The following PDLIM2 variants were observed in gnomAD, a reference collection of about 807,000 sequenced individuals.
PDLIM2 encodes the protein PDZ and LIM domain protein 2.
Under a neutral mutation model 54.1 loss-of-function variants are expected in PDLIM2, and 51 were observed. The ratio of observed to expected loss-of-function variants is 0.94; its 90% CI spans 0.75 to 1.19. The LOEUF (loss-of-function observed/expected upper bound fraction) is 1.19, where lower values mean the gene tolerates loss of function less well. PDLIM2 is among the 50% of genes most tolerant of loss of function. The pLI is 0.00. For missense variants in PDLIM2, 912 were observed against 874.0 expected, an observed-to-expected ratio of 1.04 and a Z score of -0.55; for synonymous variants, 398 against 385.6, an observed-to-expected ratio of 1.03 and a Z score of -0.38.
chr8:22,589,871 G>C, intron 8 of PDLIM2, 130 bp downstream of exon 7: 10 of 1,312,454 alleles, frequency 7.6e-6, no homozygotes, highest in Non-Finnish European at 1.0e-5. Context: ...GCACGGAGCC[G>C]AGCAGAGCGC....
At chr8:22,594,891 A>T (rs1397319248), downstream of PDLIM2, 1 of 453,702 alleles carries the variant, frequency 2.2e-6, no homozygotes, top group African/African-American at 2.0e-5. Flanking sequence ...ATGCCACTGC[A>T]TTCCAGCCTG....
chr8:22,579,263 CT>C lies in PDLIM2; in HGVS notation c.485del (p.Leu162ProfsTer92). ...CCTGCGCCTCTCCGCGCGGCCCGCC[CT>C]CCCCGGCGCCGGGCTCCTCTCCGCG... On this transcript the variant is annotated frameshift_variant, in exon 1 of 10. Coordinates refer to ENST00000308354, the Ensembl canonical transcript of PDLIM2. LOFTEE classifies it high-confidence loss of function. The C allele has an allele frequency of 7.4e-7, 1 of 1,358,074 alleles. No individual in the cohort carries two copies. The allele number at this position is 1,358,074 out of a possible 1,614,324, so 84.1% of individuals were successfully genotyped here. A position where few individuals can be genotyped will look rare whatever the true frequency, so the allele number is the denominator to read the frequency against.
chr8:22,579,815 AC>A, intron 1 of PDLIM2: 1 of 361,146 alleles, frequency 2.8e-6, no homozygotes, highest in East Asian at 4.3e-5. Flanking sequence ...CTGCAAGGGC[AC>A]TTCCTTGCCC....
At chr8:22,586,076 C>T (rs985838408) in intron 6 of PDLIM2, among the ~76,000 whole-genome samples, 7 of 152,126 alleles carry the variant, frequency 4.6e-5, no homozygotes, top group Admixed American at 3.3e-4. Flanking sequence ...CTGGGGACGG[C>T]GTGGGGGGCA....
intron 8 of PDLIM2, 138 bp downstream of exon 7, chr8:22,589,879 C>T (rs773841769): frequency 1.1e-4 from 134 of 1,235,778 alleles, no homozygotes; most frequent in Middle Eastern, 8.0e-4. Context: ...CCGAGCAGAG[C>T]GCGAAGCCCC....
chr8:22,591,568 T>C, exon 9 of PDLIM2: 1 of 1,613,666 alleles, frequency 6.2e-7, no homozygotes, highest in South Asian at 1.1e-5. Flanking sequence ...GCCAGCCTTC[T>C]TGCCCAGCTC....
chr8:22,592,539 T>G (rs1183542439), intron 9 of PDLIM2: 2 of 152,232 alleles, frequency 1.3e-5, no homozygotes, highest in Non-Finnish European at 2.9e-5. Flanking sequence ...TGGGCTTTAG[T>G]GTTTTCATCT....
intron 6 of PDLIM2, chr8:22,587,977 T>C (rs1034244096): frequency 6.6e-6 from 1 of 152,330 alleles, no homozygotes; most frequent in Non-Finnish European, 1.5e-5. Context: ...ACTTGCCTCA[T>C]GAAGGGATCC....
chr8:22,579,476 T>C lies in PDLIM2; in HGVS notation c.697T>C (p.Trp233Arg). ...AACTGGTAGAGCCGGGCCATCGGGC[T>C]GGGCACCTCCCCGCGGCGCCCGCAG... Residue 233 changes from tryptophan (W) to arginine (R), a missense_variant, in exon 1 of 10, where the codon TGG becomes CGG. Coordinates refer to ENST00000308354, the Ensembl canonical transcript of PDLIM2. The C allele has an allele frequency of 6.6e-7, 1 of 1,513,794 alleles. No homozygotes were observed. The highest frequency in any genetic ancestry group is 8.8e-7 in the Non-Finnish European group (1 of 1,137,308). 93.8% of individuals were successfully genotyped at this position (1,513,794 alleles called of 1,614,324 possible).
At chr8:22,595,426 A>G (rs1586932859), downstream of PDLIM2, 1 of 152,236 alleles carries the variant, frequency 6.6e-6, no homozygotes, top group Non-Finnish European at 1.5e-5. Context: ...GGCGGGGCCC[A>G]TTCACGGGGC....
exon 10 of PDLIM2, chr8:22,594,253 T>G: frequency 7.2e-7 from 1 of 1,392,784 alleles, no homozygotes. Context: ...TGTGTAAAGT[T>G]TTTGACATAC....
intron 6 of PDLIM2, chr8:22,589,005 CCTG>C (rs1800454124): frequency 3.6e-6 from 2 of 552,034 alleles, no homozygotes; most frequent in African/African-American, 3.9e-5. Context: ...TTAGCTGTCA[CCTG>C]CTGCCTTCCT....
chr8:22,589,820 A>C, intron 8 of PDLIM2, 79 bp downstream of exon 7: 1 of 1,516,912 alleles, frequency 6.6e-7, no homozygotes, highest in Non-Finnish European at 8.9e-7. Context: ...TCAGTGAACC[A>C]GTGTTCTTAA....
chr8:22,580,880 A>T (rs1800176164), intron 2 of PDLIM2, 183 bp downstream of exon 1: 1 of 755,296 alleles, frequency 1.3e-6, no homozygotes, highest in Admixed American at 2.0e-5. Context: ...CCACTTCAGG[A>T]ACAGACCTTG....
chr8:22,591,668 C>T (rs73229817), exon 9 of PDLIM2: 75,885 of 1,607,196 alleles, frequency 0.047, 2,142 homozygotes, highest in Non-Finnish European at 0.055. Context: ...ACCAGCATCG[C>T]GTGAGTGTGG....
intron 9 of PDLIM2, chr8:22,592,830 G>A (rs769739403): frequency 6.6e-6 from 1 of 152,210 alleles, no homozygotes; most frequent in Non-Finnish European, 1.5e-5. Context: ...TCCAGGCAAT[G>A]TGGGACGGAC....
At chr8:22,588,838 G>T (rs1290509018) in intron 6 of PDLIM2, 9 of 201,260 alleles carry the variant, frequency 4.5e-5, no homozygotes, top group Non-Finnish European at 8.1e-5. Context: ...ACTCCCAGGG[G>T]ACTTCGACCC....
chr8:22,579,528 G>A lies in PDLIM2; in HGVS notation c.748+1G>A. The A allele has an allele frequency of 6.8e-7, 1 of 1,477,206 alleles. No individual in the cohort carries two copies. The highest frequency in any genetic ancestry group is 8.9e-7 in the Non-Finnish European group (1 of 1,119,054). The allele number at this position is 1,477,206 out of a possible 1,614,324, so 91.5% of individuals were successfully genotyped here. ...GCGGAGTCCACTGACCGGCTCAAAG[G>A]TCTGGGAATCTCGGGGCGGCCGCGA... On this transcript the variant is annotated splice_donor_variant, in intron 1 of 9. Coordinates refer to ENST00000308354, the Ensembl canonical transcript of PDLIM2. LOFTEE classifies it high-confidence loss of function.
intron 9 of PDLIM2, 113 bp downstream of exon 8, chr8:22,591,781 C>A: frequency 1.0e-6 from 1 of 972,166 alleles, no homozygotes; most frequent in Non-Finnish European, 1.5e-6. Context: ...GCACTGGGTA[C>A]CCAGTCGGGG....
Sources: allele counts gnomAD v4.1 joint callset (sites outside exome capture counted in the v4.1 genomes callset), GRCh38; gene constraint gnomAD v4.1.1; transcripts MANE v1.5; gene names NCBI Gene and HGNC (gene_info 2026-07-23, HGNC 2026-07-21).